Variants in C8orf34 observed in about 807,000 individuals in gnomAD.
The protein encoded by C8orf34 is uncharacterized protein C8orf34.
Under a neutral mutation model 68.3 loss-of-function variants are expected in C8orf34, and 65 were observed. That is an observed-to-expected ratio of 0.95 (90% CI 0.78 to 1.17). The LOEUF (loss-of-function observed/expected upper bound fraction) is 1.17, where lower values mean the gene tolerates loss of function less well. C8orf34 is among the 50% of genes most tolerant of loss of function. The pLI, the probability that C8orf34 is intolerant of heterozygous loss-of-function variation, is 0.00. For missense variants in C8orf34, 664 were observed against 655.4 expected (o/e 1.01, Z -0.14); for synonymous variants, 244 against 241.2 (o/e 1.01, Z -0.11).
intron 3 of C8orf34, 78 bp from the exon 4 acceptor site, chr8:68,468,614 T>G: frequency 7.0e-7 from 1 of 1,425,348 alleles, no homozygotes; most frequent in East Asian, 2.3e-5. Context: ...CTTGGTACAG[T>G]CTTTCACGTG....
At chr8:68,777,747 C>T (rs1400730740) in intron 11 of C8orf34, among the ~76,000 whole-genome samples, 1 of 152,112 alleles carries the variant, frequency 6.6e-6, no homozygotes, top group African/African-American at 2.4e-5. Context: ...CATGAAAAAT[C>T]CCAATTTTGT....
chr8:68,423,978 C>G (rs1354834435), intron 1 of C8orf34, among the ~76,000 whole-genome samples: 1 of 152,148 alleles, frequency 6.6e-6, no homozygotes, highest in Non-Finnish European at 1.5e-5. Flanking sequence ...ATTACCTCCA[C>G]CTAGTCCTGC....
chr8:68,605,040 G>A (rs2130524891), intron 7 of C8orf34, among the ~76,000 whole-genome samples: 1 of 152,150 alleles, frequency 6.6e-6, no homozygotes, highest in East Asian at 1.9e-4. Context: ...TTAAAAATTG[G>A]ACCAAAGATC....
intron 10 of C8orf34, among the ~76,000 whole-genome samples, chr8:68,757,655 C>T (rs544045380): frequency 1.3e-5 from 2 of 151,880 alleles, no homozygotes; most frequent in East Asian, 1.9e-4. Flanking sequence ...AAATAAAGCA[C>T]AAAAATGTTG....
intron 11 of C8orf34, among the ~76,000 whole-genome samples, chr8:68,782,431 C>CTTTTTTTTTTT (rs10539738): frequency 7.2e-6 from 1 of 138,656 alleles, no homozygotes. Context: ...GATTGAGTGT[C>CTTTTTTTTTTT]TTTTTTTTTT....
chr8:68,609,572 A>T (rs1034978690), intron 7 of C8orf34, among the ~76,000 whole-genome samples: 1 of 152,170 alleles, frequency 6.6e-6, no homozygotes, highest in Non-Finnish European at 1.5e-5. Flanking sequence ...ATGGAGTCTG[A>T]GTAGTCTCAT....
At chr8:68,747,963 TCA>T (rs1331618575) in intron 10 of C8orf34, among the ~76,000 whole-genome samples, 1 of 151,934 alleles carries the variant, frequency 6.6e-6, no homozygotes, top group Non-Finnish European at 1.5e-5. Flanking sequence ...GCTGGAGACA[TCA>T]CACTACCTGA....
intron 12 of C8orf34, among the ~76,000 whole-genome samples, chr8:68,799,215 A>G (rs958122668): frequency 5.9e-5 from 9 of 152,224 alleles, no homozygotes; most frequent in Admixed American, 2.0e-4. Flanking sequence ...TTATTTTATT[A>G]AACACTTTTT....
chr8:68,729,179 A>G (rs1437595636), intron 10 of C8orf34, among the ~76,000 whole-genome samples: 3 of 152,230 alleles, frequency 2.0e-5, no homozygotes, highest in Non-Finnish European at 2.9e-5. Context: ...AGAAAGAATT[A>G]GATAATTACT....
intron 10 of C8orf34, among the ~76,000 whole-genome samples, chr8:68,735,716 C>A (rs140664265): frequency 6.6e-6 from 1 of 152,124 alleles, no homozygotes; most frequent in Non-Finnish European, 1.5e-5. Context: ...GTCATTAATA[C>A]GTAAAAATAG....
intron 7 of C8orf34, among the ~76,000 whole-genome samples, chr8:68,581,788 A>T (rs1817072555): frequency 6.6e-6 from 1 of 152,094 alleles, no homozygotes; most frequent in Non-Finnish European, 1.5e-5. Flanking sequence ...TTTCTGTTGC[A>T]GGGGCAAGAA....
At chr8:68,571,468 C>T (rs970770088) in intron 7 of C8orf34, among the ~76,000 whole-genome samples, 2 of 152,180 alleles carry the variant, frequency 1.3e-5, no homozygotes, top group African/African-American at 2.4e-5. Context: ...CAGGAACTAT[C>T]ATTCCTTTCA....
chr8:68,426,535 A>G (rs1333420302), intron 1 of C8orf34, among the ~76,000 whole-genome samples: 3 of 150,672 alleles, frequency 2.0e-5, no homozygotes, highest in Admixed American at 6.6e-5. Context: ...AAAAAAAAAA[A>G]AAAAAAGAAA....
intron 7 of C8orf34, among the ~76,000 whole-genome samples, chr8:68,563,169 T>C (rs9693078): frequency 0.21 from 32,038 of 151,938 alleles, 4,343 homozygotes; most frequent in African/African-American, 0.39. Context: ...GAGAAATTGC[T>C]TAACCTGGTT....
chr8:68,774,022 C>G (rs79853858), intron 10 of C8orf34, among the ~76,000 whole-genome samples: 1 of 152,292 alleles, frequency 6.6e-6, no homozygotes, highest in East Asian at 1.9e-4. Context: ...CCAGAAACTG[C>G]TCTCCAGCAT....
intron 1 of C8orf34, among the ~76,000 whole-genome samples, chr8:68,429,466 A>G (rs1810363859): frequency 6.6e-6 from 1 of 152,228 alleles, no homozygotes; most frequent in African/African-American, 2.4e-5. Context: ...TTATAAAACT[A>G]TCTGAAATTA....
At chr8:68,812,081 A>T (rs918255783) in intron 12 of C8orf34, among the ~76,000 whole-genome samples, 4 of 152,208 alleles carry the variant, frequency 2.6e-5, no homozygotes, top group Admixed American at 1.3e-4. Context: ...AGGGAAAACA[A>T]CATATAAAGA....
chr8:68,605,454 A>T (rs554628891), intron 7 of C8orf34, among the ~76,000 whole-genome samples: 10 of 152,268 alleles, frequency 6.6e-5, no homozygotes, highest in African/African-American at 2.2e-4. Flanking sequence ...CCTCGGAAGA[A>T]ACTAAGATGT....
intron 10 of C8orf34, among the ~76,000 whole-genome samples, chr8:68,753,082 A>AT (rs1822753565): frequency 6.6e-6 from 1 of 152,172 alleles, no homozygotes; most frequent in Non-Finnish European, 1.5e-5. Flanking sequence ...GCCACACATT[A>AT]TTTTGTCCTT....
Sources: gnomAD v4.1 joint callset for allele counts (sites outside exome capture counted in the v4.1 genomes callset) on GRCh38, gnomAD v4.1.1 for gene constraint, MANE v1.5 for transcripts, NCBI Gene and HGNC (gene_info 2026-07-23, HGNC 2026-07-21) for gene names.